The following MAN1C1 variants were observed in gnomAD, a reference collection of about 807,000 sequenced individuals.
MAN1C1 encodes mannosidase alpha class 1C member 1.
Under a neutral mutation model 71.5 loss-of-function variants are expected in MAN1C1, and 49 were observed. That is an observed-to-expected ratio of 0.69 (90% confidence interval 0.54 to 0.87). The LOEUF (loss-of-function observed/expected upper bound fraction) is 0.87. Ranked by LOEUF, MAN1C1 falls within the 40% of genes least tolerant of loss-of-function variation. The probability of loss-of-function intolerance (pLI) is 0.00; values close to 1 mark genes in which losing one functional copy is unlikely to be tolerated. For missense variants in MAN1C1, 743 were observed against 835.0 expected, an observed-to-expected ratio of 0.89 and a Z score of 1.36; for synonymous variants, 352 against 343.7, an observed-to-expected ratio of 1.02 and a Z score of -0.27.
In MAN1C1 at chr1:25,783,827, A is replaced by T. The variant is rs1302054704; in HGVS notation, c.*38A>T. The stretch of plus-strand genomic sequence containing the variant: ...CCGCCGCCCTGGGGCCGCCGCAGGG[A>T]TGCCTTGCCTTTTCAGGATTTGAGA... On this transcript the variant is annotated 3_prime_UTR_variant, in exon 12 of 12. Coordinates refer to ENST00000374332, the MANE Select transcript of MAN1C1 (RefSeq NM_020379.4). 9 of 1,598,082 alleles carry T rather than the reference A, an allele frequency of 5.6e-6. No homozygotes were observed. The Admixed American group carries it at 1.3e-4, about 24-fold the overall frequency.
chr1:25,763,847 G>C (rs1227137852), intron 6 of MAN1C1, 27 bp from the exon 7 acceptor site: 1 of 1,599,742 alleles, frequency 6.3e-7, no homozygotes, highest in Non-Finnish European at 8.6e-7. Flanking sequence ...AAGCATGAAG[G>C]CTCACCTGGT....
intron 2 of MAN1C1, among the ~76,000 whole-genome samples, chr1:25,729,198 G>A (rs1291278445): frequency 3.9e-5 from 6 of 152,102 alleles, no homozygotes; most frequent in African/African-American, 9.7e-5. Context: ...TCCCTCCCCC[G>A]AAACCTATGC....
intron 2 of MAN1C1, among the ~76,000 whole-genome samples, chr1:25,699,104 C>T (rs765419584): frequency 1.3e-4 from 20 of 151,488 alleles, no homozygotes; most frequent in African/African-American, 3.6e-4. Flanking sequence ...GTTAGGAGTT[C>T]GAGACCAGCC....
At chr1:25,770,570 G>A (rs1008495295) in intron 7 of MAN1C1, among the ~76,000 whole-genome samples, 6 of 152,194 alleles carry the variant, frequency 3.9e-5, no homozygotes, top group Admixed American at 1.3e-4. Context: ...CCCAGTTGCC[G>A]TTCTCCCACC....
chr1:25,644,359 G>A (rs1458008462), intron 1 of MAN1C1, among the ~76,000 whole-genome samples: 1 of 151,638 alleles, frequency 6.6e-6, no homozygotes, highest in African/African-American at 2.4e-5. Context: ...GTGGGAGACT[G>A]TGAGACATCT....
chr1:25,741,856 G>A (rs1358809851), intron 2 of MAN1C1, among the ~76,000 whole-genome samples: 6 of 152,304 alleles, frequency 3.9e-5, no homozygotes, highest in Admixed American at 1.3e-4. Context: ...TAAAAGTATC[G>A]GTATGTAAGG....
At chr1:25,757,994 G>A (rs1312638198) in intron 5 of MAN1C1, among the ~76,000 whole-genome samples, 1 of 152,230 alleles carries the variant, frequency 6.6e-6, no homozygotes. Context: ...AGCTCCAGAT[G>A]TGTGGTCACA....
intron 10 of MAN1C1, 59 bp downstream of exon 10, chr1:25,781,171 T>G (rs1305711505): frequency 6.3e-7 from 1 of 1,583,476 alleles, no homozygotes; most frequent in African/African-American, 1.3e-5. Context: ...ATTTACAGGC[T>G]GGGTGCTAGG....
intron 2 of MAN1C1, among the ~76,000 whole-genome samples, chr1:25,737,988 G>A (rs962720512): frequency 1.3e-5 from 2 of 152,112 alleles, no homozygotes; most frequent in African/African-American, 4.8e-5. Flanking sequence ...GGTTCTGCAC[G>A]CTGTGTCCAG....
intron 2 of MAN1C1, among the ~76,000 whole-genome samples, chr1:25,729,809 C>T (rs918494110): frequency 1.3e-5 from 2 of 152,094 alleles, no homozygotes; most frequent in Non-Finnish European, 2.9e-5. Context: ...CGTGCCTGGC[C>T]AGGCATCCCA....
chr1:25,778,392 C>T lies in MAN1C1; in HGVS notation c.1477+68C>T, dbSNP rs942439150. 161 of 1,481,406 alleles carry T rather than the reference C, an allele frequency of 1.1e-4. No homozygotes were observed. The highest frequency in any genetic ancestry group is 1.3e-4 in the Non-Finnish European group (139 of 1,096,150). The allele number at this position is 1,481,406 out of a possible 1,614,324, so 91.8% of individuals were successfully genotyped here. ...AGACACCAGGAAGAACTGGAAAGAC[C>T]GGCAGCAGTGAGCGAAGGGAGCACA... On this transcript the variant is annotated intron_variant, in intron 9 of 11. Coordinates refer to ENST00000374332, the MANE Select transcript of MAN1C1 (RefSeq NM_020379.4). This position sits in a 1 kb window ranked among gnomAD's most constrained non-coding sequence, Gnocchi z 5.5.
In MAN1C1 at chr1:25,753,655, G is replaced by C. The variant is rs2047247436; in HGVS notation, c.929+77G>C. ...ATTTGTGTTTTGTCTGGGTGGTGCT[G>C]GTGAGGAGGCTCCAGGGGCAGTAGG... On this transcript the variant is annotated intron_variant, in intron 5 of 11. Coordinates refer to ENST00000374332, the MANE Select transcript of MAN1C1 (RefSeq NM_020379.4). The surrounding 1 kb of genome is among the most constrained non-coding windows in gnomAD (Gnocchi z 4.9). 1 of 1,366,686 alleles carries C rather than the reference G, an allele frequency of 7.3e-7. No individual in the cohort carries two copies. The highest frequency in any genetic ancestry group is 1.3e-5 in the South Asian group (1 of 78,776). The allele number at this position is 1,366,686 out of a possible 1,614,324, so 84.7% of individuals were successfully genotyped here. A position where few individuals can be genotyped will look rare whatever the true frequency, so the allele number is the denominator to read the frequency against.
chr1:25,677,219 T>C (rs1362230571), intron 1 of MAN1C1, among the ~76,000 whole-genome samples: 2 of 152,254 alleles, frequency 1.3e-5, no homozygotes, highest in Non-Finnish European at 2.9e-5. Flanking sequence ...AAGAGATTTC[T>C]TGGGATTCAG....
In MAN1C1 at chr1:25,617,705, C is replaced by T. The variant is rs1309831376; in HGVS notation, c.-93C>T. On this transcript the variant is annotated 5_prime_UTR_variant, in exon 1 of 12. Coordinates refer to ENST00000374332, the MANE Select transcript of MAN1C1 (RefSeq NM_020379.4). This position sits in a 1 kb window ranked among gnomAD's most constrained non-coding sequence, Gnocchi z 5.1. ...GGCAACCCTGCCCAGGGACCCCCAT[C>T]CCGGGCGGCGCTCCGGACGCCCTCC... The T allele has an allele frequency of 3.1e-6, 4 of 1,279,778 alleles. No individual in the cohort carries two copies. The African/African-American group carries it at 4.7e-5, about 15-fold the overall frequency. 79.3% of individuals were successfully genotyped at this position (1,279,778 alleles called of 1,614,324 possible).
chr1:25,771,475 T>C (rs1344336017), intron 7 of MAN1C1, among the ~76,000 whole-genome samples, 182 bp from the exon 8 acceptor site: 1 of 152,210 alleles, frequency 6.6e-6, no homozygotes, highest in Non-Finnish European at 1.5e-5. Flanking sequence ...CCTGGTTTCC[T>C]CCAAGTCGCA....
intron 1 of MAN1C1, among the ~76,000 whole-genome samples, chr1:25,654,836 G>A (rs1273746705): frequency 6.6e-6 from 1 of 151,984 alleles, no homozygotes; most frequent in Non-Finnish European, 1.5e-5. Context: ...TAGTAGAGAC[G>A]GGGTTTCACC....
chr1:25,649,684 C>G (rs545317769), intron 1 of MAN1C1, among the ~76,000 whole-genome samples: 1 of 152,296 alleles, frequency 6.6e-6, no homozygotes, highest in Non-Finnish European at 1.5e-5. Context: ...GTCGCCCAGG[C>G]TGGAGTACAG....
At chr1:25,693,061 GCTT>G (rs1464203501) in intron 2 of MAN1C1, among the ~76,000 whole-genome samples, 1 of 152,076 alleles carries the variant, frequency 6.6e-6, no homozygotes, top group African/African-American at 2.4e-5. Context: ...AAACTTAACT[GCTT>G]ATTAGCCTAC....
At chr1:25,679,575 G>T (rs80178282) in intron 1 of MAN1C1, among the ~76,000 whole-genome samples, 1 of 146,922 alleles carries the variant, frequency 6.8e-6, no homozygotes, top group Non-Finnish European at 1.5e-5. Flanking sequence ...AAAAAAAAAG[G>T]CATTTCAGAC....
Sources: allele counts gnomAD v4.1 joint callset (sites outside exome capture counted in the v4.1 genomes callset), GRCh38; gene constraint gnomAD v4.1.1; non-coding constraint Gnocchi (gnomAD v3.1); transcripts MANE v1.5; gene names NCBI Gene and HGNC (gene_info 2026-07-23, HGNC 2026-07-21).